The following RSF1 variants were observed in gnomAD, a reference collection of about 807,000 sequenced individuals.
RSF1 encodes the protein remodeling and spacing factor 1.
Under a neutral mutation model 145.2 loss-of-function variants are expected in RSF1, and 13 were observed. The observed-to-expected ratio is 0.09, with a 90% CI of 0.06 to 0.14. RSF1 has a LOEUF of 0.14. Among genes scored for constraint, RSF1 ranks in the 10% least tolerant of loss-of-function variants. The pLI is 1.00. For synonymous variants in RSF1, 577 were observed against 592.6 expected (o/e 0.97, Z 0.38); for missense variants, 1,517 against 1,718.2 (o/e 0.88, Z 2.07).
chr11:77,708,261 A>G (rs1316755749), intron 5 of RSF1, among the ~76,000 whole-genome samples: 1 of 152,146 alleles, frequency 6.6e-6, no homozygotes, highest in African/African-American at 2.4e-5. Context: ...TCGACCAAAT[A>G]TAGAAAAATT....
At chr11:77,766,287 C>T (rs140636349) in intron 1 of RSF1, among the ~76,000 whole-genome samples, 134 of 152,318 alleles carry the variant, frequency 8.8e-4, no homozygotes, top group African/African-American at 3.2e-3. Flanking sequence ...GATACAAACA[C>T]TCTGAGGGAC....
intron 2 of RSF1, among the ~76,000 whole-genome samples, chr11:77,751,584 G>A (rs1460868769): frequency 1.3e-5 from 2 of 152,324 alleles, no homozygotes; most frequent in South Asian, 2.1e-4. Context: ...CAGGGCCTCG[G>A]TCTACCAGTC....
intron 4 of RSF1, 22 bp downstream of exon 4, chr11:77,740,709 A>G (rs1961488683): frequency 6.3e-7 from 1 of 1,592,206 alleles, no homozygotes; most frequent in Non-Finnish European, 8.6e-7. Flanking sequence ...AATAAGTGTA[A>G]AAAGGTTCCA....
intron 14 of RSF1, among the ~76,000 whole-genome samples, chr11:77,674,218 C>T (rs938227443): frequency 2.0e-5 from 3 of 152,034 alleles, no homozygotes; most frequent in East Asian, 1.9e-4. Context: ...CCAAAAAAAA[C>T]CCACAAGGAT....
chr11:77,768,031 T>C (rs190183353), intron 1 of RSF1, among the ~76,000 whole-genome samples: 5 of 152,256 alleles, frequency 3.3e-5, no homozygotes, highest in Admixed American at 3.3e-4. Context: ...GCAATAGAAA[T>C]GTAAGGTGAG....
chr11:77,749,006 T>C (rs1489391277), intron 2 of RSF1, among the ~76,000 whole-genome samples: 1 of 152,192 alleles, frequency 6.6e-6, no homozygotes, highest in African/African-American at 2.4e-5. Context: ...TAATATACTA[T>C]AGCATAGACA....
intron 3 of RSF1, among the ~76,000 whole-genome samples, chr11:77,742,812 T>A (rs1947955652): frequency 6.6e-6 from 1 of 152,224 alleles, no homozygotes; most frequent in Non-Finnish European, 1.5e-5. Flanking sequence ...CAGATTGTTT[T>A]CTTGCTGTTG....
At chr11:77,795,943 G>A (rs552842912) in intron 1 of RSF1, among the ~76,000 whole-genome samples, 1 of 152,250 alleles carries the variant, frequency 6.6e-6, no homozygotes, top group South Asian at 2.1e-4. Context: ...GTTTAGAGGT[G>A]TATGTGTCCA....
intron 1 of RSF1, among the ~76,000 whole-genome samples, chr11:77,789,669 T>C (rs1171723715): frequency 1.3e-5 from 2 of 152,180 alleles, no homozygotes; most frequent in Admixed American, 6.5e-5. Context: ...AACACATCCC[T>C]GATGGTCCCC....
chr11:77,819,577 A>G (rs577174917), intron 1 of RSF1, among the ~76,000 whole-genome samples: 1 of 152,316 alleles, frequency 6.6e-6, no homozygotes, highest in African/African-American at 2.4e-5. Flanking sequence ...GGCACCAGAG[A>G]GAGAAACATG....
chr11:77,739,442 G>C (rs996962346), intron 4 of RSF1: 1 of 152,176 alleles, frequency 6.6e-6, no homozygotes, highest in African/African-American at 2.4e-5. Flanking sequence ...ATAAATTTTA[G>C]TTTAGGACTA....
chr11:77,694,467 G>A (rs569914666), intron 7 of RSF1, among the ~76,000 whole-genome samples: 1 of 152,004 alleles, frequency 6.6e-6, no homozygotes, highest in East Asian at 1.9e-4. Context: ...TTGTTTTATC[G>A]GTATTTGAGT....
the RSF1 span, among the ~76,000 whole-genome samples, chr11:77,866,034 C>T: frequency 1.3e-5 from 2 of 152,224 alleles, no homozygotes; most frequent in East Asian, 1.9e-4. Context: ...TTAAACTTCA[C>T]TCACAGAATC....
the RSF1 span, among the ~76,000 whole-genome samples, chr11:77,870,329 ATTTTTT>A: frequency 1.1e-5 from 1 of 87,982 alleles, no homozygotes; most frequent in African/African-American, 4.9e-5. Context: ...CTATTTTTTA[ATTTTTT>A]TTTTTTTTTT....
the RSF1 span, among the ~76,000 whole-genome samples, chr11:77,849,504 G>T: frequency 6.6e-6 from 1 of 152,156 alleles, no homozygotes; most frequent in South Asian, 2.1e-4. Flanking sequence ...GATTATTGGC[G>T]TGAGCCACTG....
the RSF1 span, among the ~76,000 whole-genome samples, chr11:77,832,179 A>AC: frequency 6.6e-6 from 1 of 152,226 alleles, no homozygotes; most frequent in East Asian, 1.9e-4. Context: ...CACACTGACA[A>AC]TAGTTAACTG....
intron 12 of RSF1, among the ~76,000 whole-genome samples, chr11:77,677,841 A>G (rs1166010778): frequency 6.6e-6 from 1 of 152,238 alleles, no homozygotes; most frequent in Admixed American, 6.5e-5. Context: ...TAACCTATGA[A>G]GGAACATCAA....
the RSF1 span, among the ~76,000 whole-genome samples, chr11:77,853,049 A>G: frequency 6.6e-6 from 1 of 152,178 alleles, no homozygotes; most frequent in Non-Finnish European, 1.5e-5. Context: ...ATCCAGGGTA[A>G]ATTTTTAGAA....
At position 77,820,581 on chromosome 11, in the gene RSF1, G is replaced by A; in HGVS notation, c.134C>T (p.Pro45Leu). The change falls in exon 1 of 16, where the codon CCT becomes CTT. Residue 45 changes from proline (P) to leucine (L), a missense_variant. By Grantham distance (98) the Pro-to-Leu change is moderately conservative. This residue lies in a region of RSF1 where 85 missense variants were observed against 91.8 expected (regional missense o/e 0.93). Coordinates refer to ENST00000308488, the MANE Select transcript of RSF1 (RefSeq NM_016578.4). ...PLLDLPELPF[P>L]ELERVLQAPP... is the part of the protein sequence containing the mutation. ...CGCCTGCAGCACCCGCTCCAGCTCA[G>A]GGAACGGCAACTCAGGCAGGTCTAG... 1 of 1,561,792 alleles carries A rather than the reference G, an allele frequency of 6.4e-7. No homozygotes were observed. Among genetic ancestry groups the A allele is most frequent in the Middle Eastern group, 2.0e-4 (1 of 5,074 alleles).
Sources: allele counts gnomAD v4.1 joint callset (sites outside exome capture counted in the v4.1 genomes callset), GRCh38; gene constraint gnomAD v4.1.1; regional missense constraint gnomAD v4.1.1; transcripts MANE v1.5; gene names NCBI Gene and HGNC (gene_info 2026-07-23, HGNC 2026-07-21).